The following LRRC37A2 variants were observed in gnomAD, a reference collection of about 807,000 sequenced individuals.
LRRC37A2 encodes the protein leucine-rich repeat-containing protein 37A2.
LRRC37A2 carries 9 observed loss-of-function variants against 68.8 expected under a neutral mutation model. The ratio of observed to expected loss-of-function variants is 0.13; its 90% CI spans 0.08 to 0.23. The LOEUF (loss-of-function observed/expected upper bound fraction) is 0.23, where lower values mean the gene tolerates loss of function less well. Ranked by LOEUF, LRRC37A2 falls within the 10% of genes least tolerant of loss-of-function variation. LRRC37A2 has a pLI of 1.00. For missense variants in LRRC37A2, 168 were observed against 950.4 expected (o/e 0.18, Z 10.82); for synonymous variants, 63 against 367.6 (o/e 0.17, Z 9.48).
At chr17:46,824,544 C>T in the LRRC37A2 span, among the ~76,000 whole-genome samples, 4 of 152,336 alleles carry the variant, frequency 2.6e-5, no homozygotes, top group Non-Finnish European at 5.9e-5. Context: ...CCCCCATGCC[C>T]GGCTGATTAT....
chr17:46,494,759 G>A, the LRRC37A2 span, among the ~76,000 whole-genome samples: 1 of 151,194 alleles, frequency 6.6e-6, no homozygotes, highest in Non-Finnish European at 1.5e-5. Context: ...TTGATACAGT[G>A]TGTAATGATC....
At chr17:46,900,764 T>C in the LRRC37A2 span, among the ~76,000 whole-genome samples, 1 of 152,220 alleles carries the variant, frequency 6.6e-6, no homozygotes, top group Admixed American at 6.5e-5. Context: ...TTGTATGTGT[T>C]TTTTTTCTTT....
At chr17:46,747,679 TG>T in the LRRC37A2 span, among the ~76,000 whole-genome samples, 3 of 152,070 alleles carry the variant, frequency 2.0e-5, no homozygotes, top group Non-Finnish European at 4.4e-5. Flanking sequence ...AATAAGTTAG[TG>T]TAAAGGTTGG....
At chr17:47,036,232 T>C in the LRRC37A2 span, among the ~76,000 whole-genome samples, 2 of 152,256 alleles carry the variant, frequency 1.3e-5, no homozygotes, top group African/African-American at 2.4e-5. Flanking sequence ...GTATAAAATG[T>C]CTTACTCTTC....
the LRRC37A2 span, among the ~76,000 whole-genome samples, chr17:46,499,332 A>G: frequency 3.8e-5 from 5 of 131,564 alleles, no homozygotes; most frequent in Non-Finnish European, 8.1e-5. Context: ...AAAAAAAAAA[A>G]AAAGGTGGGG....
the LRRC37A2 span, among the ~76,000 whole-genome samples, chr17:46,907,261 G>A: frequency 6.6e-6 from 1 of 152,174 alleles, no homozygotes; most frequent in Admixed American, 6.5e-5. Context: ...GCTCTTCCGG[G>A]CCCAGCTCTT....
chr17:46,940,031 G>T, the LRRC37A2 span: 3 of 1,042,658 alleles, frequency 2.9e-6, no homozygotes, highest in Non-Finnish European at 3.5e-6. Flanking sequence ...CCTACCTTTG[G>T]TTGTCCTGCC....
At chr17:46,458,528 CTTCTTTT>C in the LRRC37A2 span, among the ~76,000 whole-genome samples, 1 of 52,524 alleles carries the variant, frequency 1.9e-5, no homozygotes, top group African/African-American at 6.6e-5. Context: ...AATTCTTCTT[CTTCTTTT>C]TTTTTTTTTT....
chr17:46,980,341 CTCCT>C, the LRRC37A2 span, among the ~76,000 whole-genome samples: 402 of 89,882 alleles, frequency 4.5e-3, 1 homozygote, highest in Non-Finnish European at 7.3e-3. Context: ...CTTTCCTTCT[CTCCT>C]TCCTTCCTTC....
chr17:46,971,573 A>G, the LRRC37A2 span, among the ~76,000 whole-genome samples: 1 of 152,170 alleles, frequency 6.6e-6, no homozygotes, highest in South Asian at 2.1e-4. Context: ...GAATACATGT[A>G]TGTACATGTA....
chr17:46,881,076 CT>C, the LRRC37A2 span, among the ~76,000 whole-genome samples: 12 of 152,362 alleles, frequency 7.9e-5, no homozygotes, highest in Admixed American at 7.2e-4. Context: ...TTTGGGAGGC[CT>C]CGCCCACCAG....
At chr17:46,900,162 C>CATATATAT in the LRRC37A2 span, among the ~76,000 whole-genome samples, 2 of 101,148 alleles carry the variant, frequency 2.0e-5, no homozygotes, top group Admixed American at 1.1e-4. Flanking sequence ...TATATATATA[C>CATATATAT]ATATACATAT....
the LRRC37A2 span, among the ~76,000 whole-genome samples, chr17:46,741,018 T>G: frequency 6.6e-6 from 1 of 152,194 alleles, no homozygotes; most frequent in Non-Finnish European, 1.5e-5. Flanking sequence ...CCATTGCTGA[T>G]ATGGGGCTTG....
the LRRC37A2 span, among the ~76,000 whole-genome samples, chr17:46,904,402 A>T: frequency 7.1e-6 from 1 of 140,092 alleles, no homozygotes; most frequent in Non-Finnish European, 1.5e-5. Context: ...GGATAAATGG[A>T]TGGATGGGTT....
At chr17:46,769,819 C>T in the LRRC37A2 span, 7 of 1,612,706 alleles carry the variant, frequency 4.3e-6, 1 homozygote, top group Admixed American at 5.0e-5. Flanking sequence ...TGTTCATGGC[C>T]GAGCGCGCGT....
chr17:46,890,553 C>T, the LRRC37A2 span, among the ~76,000 whole-genome samples: 2 of 152,182 alleles, frequency 1.3e-5, no homozygotes, highest in Admixed American at 6.5e-5. Flanking sequence ...TTTGGTCACT[C>T]CATTTGAGAA....
At chr17:46,838,537 G>T in the LRRC37A2 span, among the ~76,000 whole-genome samples, 6 of 152,042 alleles carry the variant, frequency 3.9e-5, no homozygotes, top group African/African-American at 1.4e-4. Flanking sequence ...TAAGGCAGGA[G>T]GATCGCTTGA....
chr17:46,753,235 A>C, the LRRC37A2 span, among the ~76,000 whole-genome samples: 1 of 152,220 alleles, frequency 6.6e-6, no homozygotes, highest in African/African-American at 2.4e-5. Context: ...ATGGTCCTGC[A>C]TTCTGCTAGT....
At chr17:46,537,410 G>A (rs1974920) in intron 6 of LRRC37A2, 2 of 318 alleles carry the variant, frequency 6.3e-3, no homozygotes, top group South Asian at 9.1e-3. Flanking sequence ...CTCGTGATCC[G>A]CCTGCCTCAG....
Sources: allele counts gnomAD v4.1 joint callset (sites outside exome capture counted in the v4.1 genomes callset), GRCh38; gene constraint gnomAD v4.1.1; transcripts MANE v1.5; gene names NCBI Gene and HGNC (gene_info 2026-07-23, HGNC 2026-07-21).